Variants in NBEA observed in about 807,000 individuals in gnomAD.
NBEA encodes neurobeachin, also known as lysosomal-trafficking regulator 2.
Under a neutral mutation model 343.4 loss-of-function variants are expected in NBEA, and 44 were observed. The ratio of observed to expected loss-of-function variants is 0.13; its 90% CI spans 0.10 to 0.16. The LOEUF (loss-of-function observed/expected upper bound fraction) is 0.16. Among genes scored for constraint, NBEA ranks in the 10% least tolerant of loss-of-function variants. The pLI, the probability that NBEA is intolerant of heterozygous loss-of-function variation, is 1.00. For synonymous variants in NBEA, 1,175 were observed against 1,238.7 expected (o/e 0.95, Z 1.08); for missense variants, 2,555 against 3,631.3 (o/e 0.70, Z 7.62).
intron 47 of NBEA, among the ~76,000 whole-genome samples, chr13:35,596,503 C>T (rs2081812428): frequency 1.3e-5 from 2 of 152,202 alleles, no homozygotes; most frequent in South Asian, 4.1e-4. Flanking sequence ...TTCTGTCTGT[C>T]TCTATTAATG....
intron 51 of NBEA, among the ~76,000 whole-genome samples, chr13:35,649,446 G>T (rs1463155102): frequency 6.6e-6 from 1 of 152,170 alleles, no homozygotes; most frequent in Non-Finnish European, 1.5e-5. Flanking sequence ...TGCCTTCACA[G>T]AATTCTTATT....
chr13:35,556,080 T>A (rs1394257815), intron 44 of NBEA, among the ~76,000 whole-genome samples: 2 of 152,038 alleles, frequency 1.3e-5, no homozygotes, highest in African/African-American at 4.8e-5. Context: ...AAATGCTTTT[T>A]CACTTTAATC....
At chr13:35,505,257 T>C (rs549280194) in intron 41 of NBEA, among the ~76,000 whole-genome samples, 26 of 152,288 alleles carry the variant, frequency 1.7e-4, no homozygotes, top group African/African-American at 6.3e-4. Flanking sequence ...AATAGACATA[T>C]AGAGTTTGAG....
Position 35,290,371 on chromosome 13 carries a change from A to G in NBEA, c.5777-18A>G, listed in dbSNP as rs763735685. 1.4e-5 allele frequency: 22 copies of G among 1,565,108 alleles called. No individual in the cohort carries two copies. The highest frequency in any genetic ancestry group is 1.6e-5 in the Non-Finnish European group (18 of 1,139,862). ...TGCCATTGTAATTTCATTTTGTTTT[A>G]ACCTTTCTTTGTTGTAGGCCTTGTT... On this transcript the variant is annotated intron_variant, in intron 34 of 58. Coordinates refer to ENST00000379939, the MANE Select transcript of NBEA (RefSeq NM_001385012.1).
chr13:35,547,251 T>TTGGATC (rs2079107630), intron 41 of NBEA, among the ~76,000 whole-genome samples: 1 of 152,230 alleles, frequency 6.6e-6, no homozygotes, highest in African/African-American at 2.4e-5. Context: ...CTTTGGACCT[T>TTGGATC]TGGATCTGTC....
intron 11 of NBEA, among the ~76,000 whole-genome samples, chr13:35,107,231 T>G (rs1027345165): frequency 6.6e-6 from 1 of 151,916 alleles, no homozygotes; most frequent in Non-Finnish European, 1.5e-5. Flanking sequence ...CCTTTAAATA[T>G]GATTACCCGA....
intron 1 of NBEA, among the ~76,000 whole-genome samples, chr13:34,948,578 C>A (rs1015916049): frequency 2.0e-5 from 3 of 151,950 alleles, no homozygotes; most frequent in African/African-American, 7.3e-5. Flanking sequence ...GGTTTTTTGT[C>A]ACTTGTAAAT....
At chr13:35,001,640 G>A (rs1007667031) in intron 1 of NBEA, among the ~76,000 whole-genome samples, 1 of 152,124 alleles carries the variant, frequency 6.6e-6, no homozygotes, top group African/African-American at 2.4e-5. Flanking sequence ...TGGTAGTAGA[G>A]AGTAGAATAG....
chr13:35,009,585 C>G (rs2061419071), intron 1 of NBEA, among the ~76,000 whole-genome samples: 1 of 152,088 alleles, frequency 6.6e-6, no homozygotes, highest in Non-Finnish European at 1.5e-5. Context: ...GGGGGTTGGA[C>G]AGATCATGTA....
chr13:35,553,446 CACTT>C (rs941901372), intron 43 of NBEA, among the ~76,000 whole-genome samples: 1 of 152,032 alleles, frequency 6.6e-6, no homozygotes, highest in African/African-American at 2.4e-5. Flanking sequence ...TTAAACCTGT[CACTT>C]AGCTGGGTAA....
chr13:35,071,247 G>A (rs899463401), intron 10 of NBEA, among the ~76,000 whole-genome samples: 6 of 151,764 alleles, frequency 4.0e-5, no homozygotes, highest in Non-Finnish European at 8.8e-5. Flanking sequence ...ACATTTATTA[G>A]CAATTACATA....
intron 30 of NBEA, among the ~76,000 whole-genome samples, chr13:35,184,674 T>G (rs1257405785): frequency 6.6e-6 from 1 of 152,046 alleles, no homozygotes; most frequent in Non-Finnish European, 1.5e-5. Context: ...TAGAAGCCAT[T>G]ACATGTATAT....
chr13:35,196,219 C>T lies in NBEA; in HGVS notation c.5283C>T (p.Gly1761=). ...CTCCAGTTGAAATAGCAGAATGTGG[C>T]CCTGAACCTATCCCATACCCAGATC... ...VAAPVEIAEC[G]PEPIPYPDPA... The change falls in exon 31 of 59, where the codon GGC becomes GGT. Residue 1761 remains glycine (G), a synonymous_variant. Transcript: ENST00000379939. The T allele has an allele frequency of 6.2e-7, 1 of 1,613,542 alleles. No homozygotes were observed.
intron 16 of NBEA, 74 bp downstream of exon 16, chr13:35,118,548 C>G (rs528724360): frequency 9.2e-7 from 1 of 1,092,240 alleles, no homozygotes; most frequent in East Asian, 2.6e-5. Flanking sequence ...AACTGCTATT[C>G]TATGAATATT....
intron 41 of NBEA, among the ~76,000 whole-genome samples, chr13:35,544,520 C>T (rs892722895): frequency 4.6e-5 from 7 of 152,216 alleles, no homozygotes; most frequent in South Asian, 2.1e-4. Flanking sequence ...TATTTTTCAA[C>T]ATGATCATCA....
chr13:35,319,290 A>G (rs1159734302), intron 36 of NBEA, among the ~76,000 whole-genome samples: 1 of 152,152 alleles, frequency 6.6e-6, no homozygotes, highest in African/African-American at 2.4e-5. Context: ...AGATTCTGGT[A>G]CATTGTGTCT....
intron 41 of NBEA, among the ~76,000 whole-genome samples, chr13:35,546,154 C>T (rs538766575): frequency 2.6e-5 from 4 of 152,204 alleles, no homozygotes; most frequent in African/African-American, 9.6e-5. Flanking sequence ...TTTGATGTCA[C>T]AGGGAGGGGA....
intron 16 of NBEA, among the ~76,000 whole-genome samples, chr13:35,120,091 G>A (rs1373993937): frequency 6.6e-6 from 1 of 152,100 alleles, no homozygotes; most frequent in Non-Finnish European, 1.5e-5. Flanking sequence ...TAAATTTAGT[G>A]AATCAGTTGA....
intron 30 of NBEA, among the ~76,000 whole-genome samples, chr13:35,188,199 T>A (rs1325932659): frequency 6.6e-6 from 1 of 152,108 alleles, no homozygotes; most frequent in Admixed American, 6.6e-5. Flanking sequence ...TTGTATGCAT[T>A]AGGGAATGAT....
Sources: allele counts gnomAD v4.1 joint callset (sites outside exome capture counted in the v4.1 genomes callset), GRCh38; gene constraint gnomAD v4.1.1; transcripts MANE v1.5; gene names NCBI Gene and HGNC (gene_info 2026-07-23, HGNC 2026-07-21).